NRXN3: variants seen among roughly 807,000 people sequenced by gnomAD.
NRXN3 encodes neurexin 3, also known as neurexin III.
Under a neutral mutation model 137.6 loss-of-function variants are expected in NRXN3, and 32 were observed. That is an observed-to-expected ratio of 0.23 (90% CI 0.18 to 0.31). NRXN3 has a LOEUF of 0.31. NRXN3 is among the 10% of genes least tolerant of loss of function. The pLI is 1.00. For missense variants in NRXN3, 1,574 were observed against 2,062.5 expected (o/e 0.76, Z 4.59); for synonymous variants, 798 against 784.5 (o/e 1.02, Z -0.29).
chr14:79,551,440 C>T (rs973779501), intron 16 of NRXN3, among the ~76,000 whole-genome samples: 68 of 152,258 alleles, frequency 4.5e-4, no homozygotes, highest in African/African-American at 1.5e-3. Flanking sequence ...TTAATGGATT[C>T]GGTGGAAAAT....
chr14:78,993,147 T>A (rs543683929), intron 15 of NRXN3, among the ~76,000 whole-genome samples: 1 of 152,354 alleles, frequency 6.6e-6, no homozygotes, highest in Non-Finnish European at 1.5e-5. Context: ...CAGGAGTGGC[T>A]ATTAAGCTGC....
intron 15 of NRXN3, among the ~76,000 whole-genome samples, chr14:79,352,371 C>T (rs1007262974): frequency 2.0e-5 from 3 of 152,008 alleles, no homozygotes; most frequent in African/African-American, 7.2e-5. Context: ...AGAATAAACC[C>T]TAGGATCTTC....
intron 15 of NRXN3, among the ~76,000 whole-genome samples, chr14:79,098,745 A>C (rs968999713): frequency 3.3e-5 from 5 of 152,222 alleles, no homozygotes; most frequent in African/African-American, 1.2e-4. Flanking sequence ...TGCTTTCATC[A>C]GCAAGGAACT....
chr14:78,504,642 G>A (rs1343023267), intron 4 of NRXN3, among the ~76,000 whole-genome samples: 1 of 152,072 alleles, frequency 6.6e-6, no homozygotes, highest in Non-Finnish European at 1.5e-5. Flanking sequence ...TTTCCTGGGA[G>A]TTCTGATGAG....
chr14:79,205,434 T>C (rs1241963235), intron 15 of NRXN3, among the ~76,000 whole-genome samples: 1 of 152,188 alleles, frequency 6.6e-6, no homozygotes. Context: ...GCAATTTAGA[T>C]GGACTTCCTT....
At chr14:79,537,545 G>GT (rs1166417465) in intron 16 of NRXN3, among the ~76,000 whole-genome samples, 1 of 151,918 alleles carries the variant, frequency 6.6e-6, no homozygotes, top group Admixed American at 6.6e-5. Context: ...GCAGTGTTTG[G>GT]TTTTTTTGTC....
chr14:78,192,536 G>A (rs1010862296), intron 1 of NRXN3, among the ~76,000 whole-genome samples: 7 of 152,194 alleles, frequency 4.6e-5, no homozygotes, highest in Non-Finnish European at 1.0e-4. Context: ...ATAGGTGCTG[G>A]AGATGGAGTA....
chr14:78,250,538 G>C (rs1265303707), intron 2 of NRXN3, among the ~76,000 whole-genome samples: 1 of 152,234 alleles, frequency 6.6e-6, no homozygotes, highest in Non-Finnish European at 1.5e-5. Context: ...TCCTGCCCAA[G>C]AGCATGGGGC....
chr14:79,025,922 A>G (rs761170558), intron 15 of NRXN3, among the ~76,000 whole-genome samples: 7 of 152,140 alleles, frequency 4.6e-5, no homozygotes, highest in Admixed American at 1.3e-4. Context: ...ATATGCTTTC[A>G]GCCTCCAGTT....
At chr14:79,640,452 A>C (rs557464329) in intron 16 of NRXN3, among the ~76,000 whole-genome samples, 1 of 135,844 alleles carries the variant, frequency 7.4e-6, no homozygotes, top group African/African-American at 2.4e-5. Flanking sequence ...ACTACCAAGA[A>C]ACACTTTTTG....
chr14:78,957,022 C>A (rs1168864809), intron 10 of NRXN3, among the ~76,000 whole-genome samples: 1 of 152,014 alleles, frequency 6.6e-6, no homozygotes, highest in East Asian at 1.9e-4. Flanking sequence ...CTATTTTTTT[C>A]ATTACTGTAC....
intron 6 of NRXN3, among the ~76,000 whole-genome samples, chr14:78,682,837 C>T (rs138588457): frequency 1.5e-3 from 230 of 152,182 alleles, no homozygotes; most frequent in African/African-American, 5.4e-3. Flanking sequence ...GGTTCCAAGC[C>T]CATGGTTATA....
In NRXN3 at chr14:78,278,689, T is replaced by C. The variant is rs1235723556; in HGVS notation, c.727+27T>C. On this transcript the variant is annotated intron_variant, in intron 3 of 20. Transcript: ENST00000335750. ...TGAGTCTTTGTGTTTGCACAGCTGC[T>C]GTGGGAATTTCCCCTCTGCTAGATT... The C allele has an allele frequency of 7.8e-6, 12 of 1,531,372 alleles. No homozygotes were observed. The East Asian group carries it at 2.4e-4, about 31-fold the overall frequency. 94.9% of individuals were successfully genotyped at this position (1,531,372 alleles called of 1,614,324 possible).
intron 6 of NRXN3, among the ~76,000 whole-genome samples, chr14:78,670,017 C>A (rs574930743): frequency 2.6e-5 from 4 of 151,992 alleles, no homozygotes; most frequent in Non-Finnish European, 5.9e-5. Flanking sequence ...CCTAGCCCCC[C>A]ACCCCCTGAC....
chr14:78,992,833 A>G (rs1363561307), intron 15 of NRXN3, among the ~76,000 whole-genome samples: 1 of 152,212 alleles, frequency 6.6e-6, no homozygotes, highest in Non-Finnish European at 1.5e-5. Context: ...AAGCACATAT[A>G]GGACAGTCTT....
intron 10 of NRXN3, among the ~76,000 whole-genome samples, chr14:78,844,085 C>T (rs1214706663): frequency 6.6e-6 from 1 of 152,096 alleles, no homozygotes; most frequent in East Asian, 1.9e-4. Flanking sequence ...TCCAGAGGCT[C>T]TCACGGTGAC....
intron 16 of NRXN3, among the ~76,000 whole-genome samples, chr14:79,486,786 G>A (rs776827030): frequency 2.0e-5 from 3 of 152,170 alleles, no homozygotes; most frequent in Non-Finnish European, 4.4e-5. Flanking sequence ...GGGGACTGAG[G>A]TCCTGAATGA....
intron 10 of NRXN3, among the ~76,000 whole-genome samples, chr14:78,917,386 G>T (rs1048099675): frequency 2.6e-4 from 40 of 152,274 alleles, no homozygotes; most frequent in African/African-American, 9.4e-4. Flanking sequence ...GTGATTAACT[G>T]ATCTGTGCAA....
chr14:78,311,240 C>A (rs1018337798), intron 4 of NRXN3, among the ~76,000 whole-genome samples: 2 of 152,230 alleles, frequency 1.3e-5, no homozygotes, highest in South Asian at 4.1e-4. Context: ...ATATCCAGTG[C>A]CTGTAACATT....
Sources: gnomAD v4.1 joint callset for allele counts (sites outside exome capture counted in the v4.1 genomes callset) on GRCh38, gnomAD v4.1.1 for gene constraint, MANE v1.5 for transcripts, NCBI Gene and HGNC (gene_info 2026-07-23, HGNC 2026-07-21) for gene names.